The following VIT variants were observed in gnomAD, a reference collection of about 807,000 sequenced individuals.
VIT encodes vitrin.
In VIT, 99 loss-of-function variants were observed where a neutral mutation model predicts 78.0. That is an observed-to-expected ratio of 1.27 (90% confidence interval 1.08 to 1.50). VIT has a LOEUF of 1.50. VIT is among the 40% of genes most tolerant of loss of function. VIT has a pLI of 0.00. For missense variants in VIT, 1,126 were observed against 875.3 expected, an observed-to-expected ratio of 1.29 and a Z score of -3.61; for synonymous variants, 374 against 334.3, an observed-to-expected ratio of 1.12 and a Z score of -1.29.
intron 2 of VIT, among the ~76,000 whole-genome samples, chr2:36,728,629 C>T (rs1412576189): frequency 2.6e-5 from 2 of 77,072 alleles, no homozygotes; most frequent in African/African-American, 7.6e-5. Flanking sequence ...CCGGCTAAAA[C>T]GGTGAAACCC....
chr2:36,758,358 C>T (rs1354465047), intron 5 of VIT, among the ~76,000 whole-genome samples: 1 of 152,196 alleles, frequency 6.6e-6, no homozygotes, highest in Non-Finnish European at 1.5e-5. Context: ...GAATTTCAGG[C>T]GTCCTTTTAT....
intron 11 of VIT, among the ~76,000 whole-genome samples, chr2:36,786,863 C>T (rs1398710730): frequency 2.0e-5 from 3 of 152,296 alleles, no homozygotes; most frequent in South Asian, 2.1e-4. Context: ...TTGGCTAGGA[C>T]GTCGCTGCTT....
At chr2:36,791,511 T>C (rs1558576365) in intron 12 of VIT, among the ~76,000 whole-genome samples, 1 of 152,180 alleles carries the variant, frequency 6.6e-6, no homozygotes, top group East Asian at 1.9e-4. Flanking sequence ...AACTCTGAGA[T>C]GGGGGGGTTC....
chr2:36,700,284 C>T (rs1020610682), intron 1 of VIT, among the ~76,000 whole-genome samples: 3 of 152,136 alleles, frequency 2.0e-5, no homozygotes, highest in Non-Finnish European at 2.9e-5. Context: ...AAAGGTCTCC[C>T]TCTCACTGTC....
chr2:36,730,234 GCCC>G, intron 3 of VIT, among the ~76,000 whole-genome samples: 1 of 151,424 alleles, frequency 6.6e-6, no homozygotes, highest in African/African-American at 2.4e-5. Context: ...ATTGCAGTGA[GCCC>G]AGATCATACC....
chr2:36,750,748 GA>G (rs2148537421), intron 4 of VIT, among the ~76,000 whole-genome samples: 1 of 151,782 alleles, frequency 6.6e-6, no homozygotes, highest in Non-Finnish European at 1.5e-5. Flanking sequence ...TTGAACCTGG[GA>G]GGCGGAGGTT....
intron 7 of VIT, among the ~76,000 whole-genome samples, chr2:36,771,729 G>C (rs1353145354): frequency 6.6e-6 from 1 of 152,010 alleles, no homozygotes; most frequent in African/African-American, 2.4e-5. Context: ...TATCAACCCG[G>C]GGTGAGAACA....
intron 12 of VIT, among the ~76,000 whole-genome samples, chr2:36,789,332 T>C (rs955019407): frequency 9.2e-5 from 14 of 152,154 alleles, no homozygotes; most frequent in Admixed American, 7.2e-4. Flanking sequence ...AGCCCTGGCG[T>C]CCTGTAATTC....
chr2:36,749,054 A>G (rs928182445), intron 4 of VIT, among the ~76,000 whole-genome samples: 4 of 152,028 alleles, frequency 2.6e-5, no homozygotes, highest in African/African-American at 7.3e-5. Context: ...TCATCATAGC[A>G]CTCCATAAAA....
At chr2:36,776,548 C>G (rs1318598279) in intron 9 of VIT, among the ~76,000 whole-genome samples, 1 of 152,234 alleles carries the variant, frequency 6.6e-6, no homozygotes, top group East Asian at 1.9e-4. Flanking sequence ...CGCCGGTAAT[C>G]CCAGCACTTT....
chr2:36,743,968 C>G (rs1167012446), intron 4 of VIT, among the ~76,000 whole-genome samples: 1 of 152,126 alleles, frequency 6.6e-6, no homozygotes, highest in Admixed American at 6.5e-5. Context: ...CCTCCTTCCC[C>G]CTTCTTGTAT....
intron 2 of VIT, 103 bp downstream of exon 2, chr2:36,716,525 A>C (rs539218194): frequency 1.1e-4 from 96 of 899,676 alleles, no homozygotes; most frequent in Non-Finnish European, 1.6e-4. Context: ...GCATATAAAC[A>C]ATACAGTGTA....
chr2:36,789,415 C>T (rs1201483370), intron 12 of VIT, among the ~76,000 whole-genome samples: 7 of 152,174 alleles, frequency 4.6e-5, no homozygotes, highest in African/African-American at 1.7e-4. Flanking sequence ...ACTGCCTTTC[C>T]CTTCCTTTCA....
At chr2:36,757,432 C>T (rs1310719241) in intron 5 of VIT, among the ~76,000 whole-genome samples, 1 of 150,218 alleles carries the variant, frequency 6.7e-6, no homozygotes, top group African/African-American at 2.5e-5. Flanking sequence ...GGGAACTGAG[C>T]TCATGCTCCT....
At chr2:36,738,279 C>T (rs930722493) in intron 3 of VIT, among the ~76,000 whole-genome samples, 4 of 152,156 alleles carry the variant, frequency 2.6e-5, no homozygotes, top group African/African-American at 9.7e-5. Context: ...GCTGGCAAAG[C>T]TTTGGGTTTA....
At chr2:36,813,854 C>A (rs1667371456) in intron 15 of VIT, among the ~76,000 whole-genome samples, 1 of 152,310 alleles carries the variant, frequency 6.6e-6, no homozygotes, top group South Asian at 2.1e-4. Context: ...CTTCTATTCC[C>A]AAACATGAAA....
Position 36,786,913 on chromosome 2 carries a change from C to G in VIT, c.911-216C>G, listed in dbSNP as rs112240791. On this transcript the variant is annotated intron_variant, in intron 11 of 15. Coordinates refer to ENST00000379242, the MANE Select transcript of VIT (RefSeq NM_053276.4). ...TGTGGCAGATACATAGAGTTTTAAA[C>G]AGTTATGGAAATAAGGACTAGCCTA... is the stretch of plus-strand genomic sequence containing the variant. Among the ~76,000 whole-genome samples the G allele has an allele frequency of 4.9e-4, 74 of 152,326 alleles. 1 individual carries two copies. Among genetic ancestry groups the G allele is most frequent in the Middle Eastern group, 3.4e-3 (1 of 294 alleles).
chr2:36,734,278 T>G (rs1667376343), intron 3 of VIT, among the ~76,000 whole-genome samples: 2 of 152,218 alleles, frequency 1.3e-5, no homozygotes, highest in Admixed American at 1.3e-4. Flanking sequence ...CTAACCTCTC[T>G]TTTAGAAGCT....
intron 15 of VIT, among the ~76,000 whole-genome samples, chr2:36,810,998 T>C (rs1667122419): frequency 6.6e-6 from 1 of 152,216 alleles, no homozygotes; most frequent in Non-Finnish European, 1.5e-5. Flanking sequence ...GCTACTTTCA[T>C]TTCTTCCTAA....
Sources: allele counts gnomAD v4.1 joint callset (sites outside exome capture counted in the v4.1 genomes callset), GRCh38; gene constraint gnomAD v4.1.1; transcripts MANE v1.5; gene names NCBI Gene and HGNC (gene_info 2026-07-23, HGNC 2026-07-21).